PLCB1: variants seen among roughly 807,000 people sequenced by gnomAD.
The protein encoded by PLCB1 is 1-phosphatidylinositol 4,5-bisphosphate phosphodiesterase beta-1.
PLCB1 carries 46 observed loss-of-function variants against 161.8 expected under a neutral mutation model. The observed-to-expected ratio is 0.28, with a 90% confidence interval of 0.22 to 0.36. The LOEUF (loss-of-function observed/expected upper bound fraction) is 0.36, where lower values mean the gene tolerates loss of function less well. Among genes scored for constraint, PLCB1 ranks in the 10% least tolerant of loss-of-function variants. The pLI is 1.00. For missense variants in PLCB1, 1,016 were observed against 1,472.5 expected (o/e 0.69, Z 5.07); for synonymous variants, 517 against 503.7 (o/e 1.03, Z -0.35).
At chr20:8,425,153 A>T (rs1479330957) in intron 3 of PLCB1, among the ~76,000 whole-genome samples, 1 of 143,536 alleles carries the variant, frequency 7.0e-6, no homozygotes, top group African/African-American at 2.5e-5. Context: ...TTTTAACTTA[A>T]GATACATGAA....
At chr20:8,693,012 A>G (rs147843847) in intron 10 of PLCB1, among the ~76,000 whole-genome samples, 14 of 152,330 alleles carry the variant, frequency 9.2e-5, no homozygotes, top group African/African-American at 3.4e-4. Context: ...ACCCTGAAGC[A>G]TATCAGAACC....
chr20:8,336,732 T>A (rs1166038222), intron 2 of PLCB1, among the ~76,000 whole-genome samples: 1 of 152,208 alleles, frequency 6.6e-6, no homozygotes, highest in Non-Finnish European at 1.5e-5. Flanking sequence ...TCCATATAAC[T>A]TGAAGTTTTT....
intron 12 of PLCB1, among the ~76,000 whole-genome samples, chr20:8,714,631 A>G (rs1024362926): frequency 6.6e-6 from 1 of 152,152 alleles, no homozygotes; most frequent in Non-Finnish European, 1.5e-5. Context: ...CTGCTGAGGA[A>G]TGTGGCAGTG....
At chr20:8,381,310 T>G (rs1987246361) in intron 3 of PLCB1, among the ~76,000 whole-genome samples, 2 of 152,226 alleles carry the variant, frequency 1.3e-5, no homozygotes, top group African/African-American at 2.4e-5. Flanking sequence ...TCGTAGTGGA[T>G]AAGTTTTTTG....
intron 2 of PLCB1, among the ~76,000 whole-genome samples, chr20:8,364,898 G>C (rs1160141059): frequency 6.6e-6 from 1 of 152,164 alleles, no homozygotes; most frequent in Admixed American, 6.5e-5. Context: ...TAGGTTTTAA[G>C]TTTTTATGAA....
chr20:8,742,266 TA>T (rs944361533), intron 23 of PLCB1, among the ~76,000 whole-genome samples: 14 of 152,060 alleles, frequency 9.2e-5, no homozygotes, highest in South Asian at 4.1e-4. Flanking sequence ...AAAATAGTGA[TA>T]AAAATTTGCT....
intron 2 of PLCB1, among the ~76,000 whole-genome samples, chr20:8,204,234 T>C (rs1978402492): frequency 6.6e-6 from 1 of 152,142 alleles, no homozygotes; most frequent in African/African-American, 2.4e-5. Context: ...AAATAATTTG[T>C]TAAATTATTA....
At chr20:8,334,435 T>C (rs1017538894) in intron 2 of PLCB1, among the ~76,000 whole-genome samples, 1 of 152,036 alleles carries the variant, frequency 6.6e-6, no homozygotes, top group African/African-American at 2.4e-5. Flanking sequence ...TCATTATAAA[T>C]ATTCTTTTCC....
At chr20:8,795,611 A>G (rs1358283717) in intron 31 of PLCB1, among the ~76,000 whole-genome samples, 1 of 152,236 alleles carries the variant, frequency 6.6e-6, no homozygotes, top group Non-Finnish European at 1.5e-5. Context: ...CGCAGTAAAC[A>G]CTGGCCAGTC....
At chr20:8,748,653 A>C (rs1981293380) in intron 23 of PLCB1, among the ~76,000 whole-genome samples, 1 of 152,158 alleles carries the variant, frequency 6.6e-6, no homozygotes, top group Non-Finnish European at 1.5e-5. Flanking sequence ...CTCAAGTTTT[A>C]ATGTGCATAC....
chr20:8,243,797 G>C (rs1016713278), intron 2 of PLCB1, among the ~76,000 whole-genome samples: 3 of 151,900 alleles, frequency 2.0e-5, no homozygotes, highest in Non-Finnish European at 2.9e-5. Context: ...GTTTTTAGCT[G>C]TTCTCTTAGA....
At chr20:8,395,142 A>G (rs1272778308) in intron 3 of PLCB1, among the ~76,000 whole-genome samples, 1 of 152,120 alleles carries the variant, frequency 6.6e-6, no homozygotes, top group Non-Finnish European at 1.5e-5. Flanking sequence ...GTAAGAGTTT[A>G]AAAAGAAGTT....
chr20:8,774,645 C>T lies in PLCB1; in HGVS notation c.3037C>T (p.Gln1013Ter). 6.2e-7 allele frequency: 1 copy of T among 1,613,914 alleles called. No homozygotes were observed. The highest frequency in any genetic ancestry group is 8.5e-7 in the Non-Finnish European group (1 of 1,179,836). ...QKLIDLKDKQ[Q>*]QQLLNLRQEQ... ...GTTAATAGACTTGAAGGACAAACAA[C>T]AGCAGCAGCTGCTTAATCTTCGGCA... Residue 1013 changes from glutamine to a stop codon, truncating the protein, a stop_gained, in exon 27 of 32, where the codon CAG becomes TAG. Transcript: ENST00000338037. LOFTEE classifies it high-confidence loss of function.
chr20:8,161,264 A>G (rs1208067046), intron 2 of PLCB1, among the ~76,000 whole-genome samples: 4 of 152,236 alleles, frequency 2.6e-5, no homozygotes, highest in Non-Finnish European at 2.9e-5. Flanking sequence ...TAGTGTGTCT[A>G]TATGCCGTGC....
At chr20:8,804,995 C>A (rs1312558308) in intron 31 of PLCB1, among the ~76,000 whole-genome samples, 3 of 46,944 alleles carry the variant, frequency 6.4e-5, no homozygotes, top group Non-Finnish European at 1.2e-4. Context: ...GAGCAAAACT[C>A]CATCTCAAAA....
intron 2 of PLCB1, among the ~76,000 whole-genome samples, chr20:8,325,011 C>T (rs1985090764): frequency 6.6e-6 from 1 of 152,112 alleles, no homozygotes; most frequent in Admixed American, 6.5e-5. Context: ...ACAGGTTTTT[C>T]GGGTGCTTTT....
intron 2 of PLCB1, among the ~76,000 whole-genome samples, chr20:8,165,824 T>C (rs1183011760): frequency 1.3e-5 from 2 of 152,172 alleles, no homozygotes; most frequent in African/African-American, 4.8e-5. Context: ...TGTCTTACTC[T>C]TAGCAGTTTA....
At chr20:8,733,784 TATAATAATAATAATA>T (rs199683575) in intron 19 of PLCB1, among the ~76,000 whole-genome samples, 33,255 of 139,182 alleles carry the variant, frequency 0.24, 4,593 homozygotes, top group Non-Finnish European at 0.3. Context: ...AAACTTAAAG[TATAATAATAATAATA>T]ATAATAATAA....
intron 7 of PLCB1, chr20:8,651,415 G>C: frequency 1.4e-6 from 1 of 721,586 alleles, no homozygotes; most frequent in South Asian, 1.5e-5. Context: ...TTCTATAGGT[G>C]GAAAAAGCTA....
Sources: gnomAD v4.1 joint callset for allele counts (sites outside exome capture counted in the v4.1 genomes callset) on GRCh38, gnomAD v4.1.1 for gene constraint, MANE v1.5 for transcripts, NCBI Gene and HGNC (gene_info 2026-07-23, HGNC 2026-07-21) for gene names.